GPA33: variants seen among roughly 807,000 people sequenced by gnomAD.
The protein encoded by GPA33 is glycoprotein A33, also known as cell surface A33 antigen.
Under a neutral mutation model 35.6 loss-of-function variants are expected in GPA33, and 27 were observed. The ratio of observed to expected loss-of-function variants is 0.76; its 90% CI spans 0.56 to 1.04. The LOEUF (loss-of-function observed/expected upper bound fraction) is 1.04. GPA33 is among the 50% of genes least tolerant of loss of function. The pLI is 0.00. For missense variants in GPA33, 428 were observed against 411.9 expected (o/e 1.04, Z -0.34); for synonymous variants, 176 against 164.0 (o/e 1.07, Z -0.56).
intron 2 of GPA33, among the ~76,000 whole-genome samples, chr1:167,070,209 G>C (rs1666688711): frequency 6.6e-6 from 1 of 152,170 alleles, no homozygotes; most frequent in South Asian, 2.1e-4. Context: ...ATTAGATGTG[G>C]GAAGCAACAT....
intron 3 of GPA33, among the ~76,000 whole-genome samples, chr1:167,066,785 C>T (rs749735152): frequency 7.9e-5 from 12 of 152,230 alleles, no homozygotes; most frequent in Non-Finnish European, 1.5e-4. Context: ...AAGCCTGCGA[C>T]TCCCGCTACA....
At chr1:167,071,768 G>C (rs374343926) in intron 2 of GPA33, among the ~76,000 whole-genome samples, 1 of 152,056 alleles carries the variant, frequency 6.6e-6, no homozygotes, top group African/African-American at 2.4e-5. Context: ...CTGGACCTCC[G>C]CCAGGCTAGA....
chr1:167,067,275 AATTT>A (rs57948383), intron 3 of GPA33, among the ~76,000 whole-genome samples: 43 of 146,804 alleles, frequency 2.9e-4, no homozygotes, highest in African/African-American at 7.2e-4. Context: ...CCTCCACCTC[AATTT>A]ATTTATTTAT....
chr1:167,074,342 T>A (rs533825577), intron 1 of GPA33, among the ~76,000 whole-genome samples: 1 of 152,034 alleles, frequency 6.6e-6, no homozygotes, highest in South Asian at 2.1e-4. Context: ...TGGAAAACCA[T>A]CAACATTCTG....
intron 6 of GPA33, 27 bp from the exon 7 acceptor site, chr1:167,054,493 A>G (rs1571299689): frequency 1.2e-6 from 2 of 1,613,742 alleles, no homozygotes; most frequent in South Asian, 2.2e-5. Context: ...GACAGAGGGG[A>G]AGGATTTGCT....
chr1:167,075,687 C>T (rs887398279), intron 1 of GPA33, among the ~76,000 whole-genome samples: 2 of 152,152 alleles, frequency 1.3e-5, no homozygotes, highest in Non-Finnish European at 2.9e-5. Context: ...GAGTCACCGG[C>T]TCTCCATCAG....
intron 4 of GPA33, 138 bp from the exon 5 acceptor site, chr1:167,055,987 C>A: frequency 1.3e-6 from 1 of 780,874 alleles, no homozygotes; most frequent in South Asian, 1.7e-5. Flanking sequence ...TGTCCACCTC[C>A]AGGGCTGCAG....
intron 3 of GPA33, among the ~76,000 whole-genome samples, chr1:167,068,282 G>C (rs1322627650): frequency 6.6e-6 from 1 of 152,150 alleles, no homozygotes; most frequent in African/African-American, 2.4e-5. Flanking sequence ...ATAACGATTT[G>C]ACTTTGAGTC....
Position 167,069,023 on chromosome 1 carries a change from T to G in GPA33, c.314A>C (p.Asp105Ala), listed in dbSNP as rs1317393287. ...GCCGTTGTCAGCCATGGTCAGCTGA[T>G]CAATGGTGATGGAGGCATCGGACTG... is the stretch of plus-strand genomic sequence containing the variant. ...AEQSDASITI[D>A]QLTMADNGTY... The change falls in exon 3 of 7, where the codon GAT (aspartate) becomes GCT (alanine). Residue 105 changes from aspartate (D) to alanine (A), a missense_variant. Transcript: ENST00000367868. 6.2e-7 allele frequency: 1 copy of G among 1,613,818 alleles called. No homozygotes were observed. Among genetic ancestry groups the G allele is most frequent in the South Asian group, 1.1e-5 (1 of 91,080 alleles).
At chr1:167,078,227 A>T (rs1666862318) in intron 1 of GPA33, among the ~76,000 whole-genome samples, 1 of 152,256 alleles carries the variant, frequency 6.6e-6, no homozygotes, top group Non-Finnish European at 1.5e-5. Context: ...ATATAAAACC[A>T]GCCCCCTGCT....
chr1:167,082,921 C>T (rs914682333), intron 1 of GPA33, among the ~76,000 whole-genome samples: 1 of 152,100 alleles, frequency 6.6e-6, no homozygotes, highest in Non-Finnish European at 1.5e-5. Context: ...AGGCGGGTTC[C>T]AAGCTTGACG....
At chr1:167,060,278 GC>G (rs914224607) in intron 4 of GPA33, among the ~76,000 whole-genome samples, 8 of 152,074 alleles carry the variant, frequency 5.3e-5, no homozygotes, top group Non-Finnish European at 7.4e-5. Flanking sequence ...TCACCATGTT[GC>G]CCAGGTGGGT....
chr1:167,084,091 C>A (rs536092976), intron 1 of GPA33, among the ~76,000 whole-genome samples: 2 of 152,128 alleles, frequency 1.3e-5, no homozygotes, highest in Non-Finnish European at 2.9e-5. Context: ...TGGCGCTTAT[C>A]GGCCATGACA....
At chr1:167,084,397 A>G (rs1667012378) in intron 1 of GPA33, among the ~76,000 whole-genome samples, 1 of 152,222 alleles carries the variant, frequency 6.6e-6, no homozygotes, top group Non-Finnish European at 1.5e-5. Flanking sequence ...GGTGGGGGAT[A>G]AAGAGATCAA....
chr1:167,078,318 A>G (rs1246908362), intron 1 of GPA33, among the ~76,000 whole-genome samples: 11 of 152,206 alleles, frequency 7.2e-5, no homozygotes, highest in Admixed American at 7.2e-4. Flanking sequence ...AGCTTCACAC[A>G]TACACTTAGA....
At chr1:167,089,681 C>T (rs764524487) in intron 1 of GPA33, among the ~76,000 whole-genome samples, 2 of 152,074 alleles carry the variant, frequency 1.3e-5, no homozygotes. Context: ...TGCTCAGAGT[C>T]CCAGAATTTT....
At chr1:167,070,330 G>A (rs1571312714) in intron 2 of GPA33, among the ~76,000 whole-genome samples, 1 of 152,158 alleles carries the variant, frequency 6.6e-6, no homozygotes, top group Admixed American at 6.5e-5. Flanking sequence ...TTTATTGAGT[G>A]TATGCTATGT....
intron 1 of GPA33, among the ~76,000 whole-genome samples, chr1:167,074,300 T>A (rs1666779855): frequency 6.6e-6 from 1 of 151,892 alleles, no homozygotes; most frequent in Admixed American, 6.6e-5. Flanking sequence ...AAAAGGCCAT[T>A]CTCTTCACCT....
chr1:167,083,009 G>A (rs563873212), intron 1 of GPA33, among the ~76,000 whole-genome samples: 2 of 152,278 alleles, frequency 1.3e-5, no homozygotes, highest in East Asian at 1.9e-4. Flanking sequence ...GAGAGAAGAC[G>A]ATGGAGGGCA....
Sources: allele counts gnomAD v4.1 joint callset (sites outside exome capture counted in the v4.1 genomes callset), GRCh38; gene constraint gnomAD v4.1.1; transcripts MANE v1.5; gene names NCBI Gene and HGNC (gene_info 2026-07-23, HGNC 2026-07-21).